The following SYN3 variants were observed in gnomAD, a reference collection of about 807,000 sequenced individuals.
SYN3 encodes the protein synapsin III.
Under a neutral mutation model 65.8 loss-of-function variants are expected in SYN3, and 35 were observed. The observed-to-expected ratio is 0.53, with a 90% CI of 0.41 to 0.70. SYN3 has a LOEUF of 0.70. Among genes scored for constraint, SYN3 ranks in the 30% least tolerant of loss-of-function variants. The pLI is 0.00. For synonymous variants in SYN3, 270 were observed against 292.9 expected (o/e 0.92, Z 0.80); for missense variants, 680 against 749.0 (o/e 0.91, Z 1.08).
At chr22:32,798,622 G>C (rs902389207) in intron 6 of SYN3, among the ~76,000 whole-genome samples, 3 of 150,272 alleles carry the variant, frequency 2.0e-5, no homozygotes, top group South Asian at 4.2e-4. Flanking sequence ...GTTCTTCCCA[G>C]ATGTATAACT....
At chr22:32,816,951 C>T (rs376465906) in intron 6 of SYN3, among the ~76,000 whole-genome samples, 7 of 152,120 alleles carry the variant, frequency 4.6e-5, no homozygotes, top group Admixed American at 2.0e-4. Flanking sequence ...CCGGGCACAG[C>T]GGCTCACGCA....
intron 6 of SYN3, among the ~76,000 whole-genome samples, chr22:32,604,203 G>C (rs187138833): frequency 6.6e-6 from 1 of 152,328 alleles, no homozygotes; most frequent in East Asian, 1.9e-4. Flanking sequence ...CGTAAGCGAT[G>C]GGAAAATCAA....
chr22:32,551,469 G>A (rs2058413401), intron 7 of SYN3, among the ~76,000 whole-genome samples: 1 of 151,294 alleles, frequency 6.6e-6, no homozygotes, highest in Non-Finnish European at 1.5e-5. Flanking sequence ...GGCCAAATTA[G>A]CATGTAGGAA....
chr22:32,848,948 G>A (rs563893146), intron 6 of SYN3, among the ~76,000 whole-genome samples: 1 of 152,262 alleles, frequency 6.6e-6, no homozygotes, highest in East Asian at 1.9e-4. Flanking sequence ...GGGCACTGTG[G>A]GAAGCTAGGG....
At chr22:32,839,461 C>T (rs2047832560) in intron 6 of SYN3, among the ~76,000 whole-genome samples, 1 of 152,096 alleles carries the variant, frequency 6.6e-6, no homozygotes, top group Non-Finnish European at 1.5e-5. Context: ...TCATTGGACC[C>T]TTAGAAACCC....
chr22:32,634,753 GC>G (rs2059791404), intron 6 of SYN3, among the ~76,000 whole-genome samples: 1 of 152,114 alleles, frequency 6.6e-6, no homozygotes, highest in Non-Finnish European at 1.5e-5. Flanking sequence ...TGGCTTCCAG[GC>G]CCTTTCAGTG....
intron 3 of SYN3, among the ~76,000 whole-genome samples, chr22:32,941,722 C>T (rs901397350): frequency 3.3e-5 from 5 of 152,208 alleles, no homozygotes; most frequent in Non-Finnish European, 7.3e-5. Flanking sequence ...TGACAGACAC[C>T]ACCTGGAAAA....
chr22:32,670,736 G>A (rs1397378616), intron 6 of SYN3, among the ~76,000 whole-genome samples: 1 of 152,252 alleles, frequency 6.6e-6, no homozygotes, highest in Non-Finnish European at 1.5e-5. Context: ...TTGCCAGGAA[G>A]CATGCTGTGC....
chr22:32,834,726 G>A (rs957824416), intron 6 of SYN3, among the ~76,000 whole-genome samples: 1 of 152,184 alleles, frequency 6.6e-6, no homozygotes, highest in Non-Finnish European at 1.5e-5. Flanking sequence ...TGCTTTGCAG[G>A]GAGAGGTGCA....
rs573793499 is a variant in SYN3, at chr22:32,993,924, T to C, written c.311+12428A>G. Among the ~76,000 whole-genome samples the C allele has an allele frequency of 2.3e-3, 346 of 152,298 alleles. 1 individual carries two copies. Among genetic ancestry groups the C allele is most frequent in the South Asian group, 4.3e-3 (21 of 4,830 alleles). ...TCAGATTTCTCCCCACACTCTCTTC[T>C]GCTCAAAGCCATTTCCCCCAGATTT... On this transcript the variant is annotated intron_variant, in intron 2 of 13. Coordinates refer to ENST00000358763, the MANE Select transcript of SYN3 (RefSeq NM_003490.4).
intron 6 of SYN3, among the ~76,000 whole-genome samples, chr22:32,630,387 C>A (rs2059731588): frequency 6.6e-6 from 1 of 152,188 alleles, no homozygotes; most frequent in African/African-American, 2.4e-5. Context: ...ACGTATGTCC[C>A]ACTGTTCCTG....
chr22:32,758,585 G>A (rs934705519), intron 6 of SYN3, among the ~76,000 whole-genome samples: 7 of 147,894 alleles, frequency 4.7e-5, no homozygotes, highest in Non-Finnish European at 9.0e-5. Flanking sequence ...AAGTTCTTCA[G>A]TTTTGAGCCT....
intron 6 of SYN3, among the ~76,000 whole-genome samples, chr22:32,662,126 C>T (rs1165895312): frequency 1.3e-5 from 2 of 152,168 alleles, no homozygotes; most frequent in African/African-American, 4.8e-5. Context: ...GATTGGTCAT[C>T]TCTGTAGCAT....
chr22:33,034,191 A>T (rs2053810038), intron 1 of SYN3, among the ~76,000 whole-genome samples: 1 of 144,798 alleles, frequency 6.9e-6, no homozygotes, highest in South Asian at 2.3e-4. Flanking sequence ...GTGTTAAAAA[A>T]AAACACACAC....
At chr22:32,902,071 C>T (rs1467613431) in intron 4 of SYN3, among the ~76,000 whole-genome samples, 1 of 152,150 alleles carries the variant, frequency 6.6e-6, no homozygotes, top group Non-Finnish European at 1.5e-5. Flanking sequence ...AACCAGAAGA[C>T]CCCCAACTCT....
chr22:32,667,675 T>A (rs2060306856), intron 6 of SYN3, among the ~76,000 whole-genome samples: 2 of 152,288 alleles, frequency 1.3e-5, no homozygotes, highest in African/African-American at 4.8e-5. Flanking sequence ...CCATAAGGCA[T>A]CATATAAGAG....
At chr22:32,891,171 C>T (rs2049435071) in intron 4 of SYN3, among the ~76,000 whole-genome samples, 1 of 152,206 alleles carries the variant, frequency 6.6e-6, no homozygotes, top group South Asian at 2.1e-4. Context: ...ACTTTGCTTT[C>T]TGAATCCCAG....
chr22:33,036,721 CGCTCTTGT>C, intron 1 of SYN3, among the ~76,000 whole-genome samples: 1 of 118,164 alleles, frequency 8.5e-6, no homozygotes, highest in Admixed American at 1.1e-4. Context: ...GACAGAGTTG[CGCTCTTGT>C]TGCCCAGGCT....
chr22:32,570,740 G>A (rs926905351), intron 7 of SYN3, among the ~76,000 whole-genome samples: 1 of 152,106 alleles, frequency 6.6e-6, no homozygotes, highest in Non-Finnish European at 1.5e-5. Context: ...GGGAGGAGCA[G>A]GTAGCTTGGA....
Sources: allele counts gnomAD v4.1 joint callset (sites outside exome capture counted in the v4.1 genomes callset), GRCh38; gene constraint gnomAD v4.1.1; transcripts MANE v1.5; gene names NCBI Gene and HGNC (gene_info 2026-07-23, HGNC 2026-07-21).